PPRC1: variants seen among roughly 807,000 people sequenced by gnomAD.
The protein encoded by PPRC1 is PPARG related coactivator 1, also known as peroxisome proliferator-activated receptor gamma coactivator-related protein 1.
Under a neutral mutation model 132.5 loss-of-function variants are expected in PPRC1, and 23 were observed. The observed-to-expected ratio is 0.17, with a 90% CI of 0.12 to 0.25. PPRC1 has a LOEUF of 0.25. Ranked by LOEUF, PPRC1 falls within the 10% of genes least tolerant of loss-of-function variation. The pLI, the probability that PPRC1 is intolerant of heterozygous loss-of-function variation, is 1.00. For missense variants in PPRC1, 2,006 were observed against 2,089.1 expected (o/e 0.96, Z 0.78); for synonymous variants, 872 against 833.5 (o/e 1.05, Z -0.80).
At chr10:102,126,599 C>G in the PPRC1 span, among the ~76,000 whole-genome samples, 1 of 151,796 alleles carries the variant, frequency 6.6e-6, no homozygotes, top group Non-Finnish European at 1.5e-5. Flanking sequence ...GCTGGGATTA[C>G]AAGCATCCAC....
In PPRC1 at chr10:102,147,434, T is replaced by C. The variant is rs775295522; in HGVS notation, c.4400+42T>C. ...CTGTAGGTCCTCTCCATTTAGGAAG[T>C]TCACGTACTTCTGTGGTTTACTTTG... is the stretch of plus-strand genomic sequence containing the variant. On this transcript the variant is annotated intron_variant, in intron 9 of 13. Coordinates refer to ENST00000278070, the MANE Select transcript of PPRC1 (RefSeq NM_015062.5). 6.5e-6 allele frequency: 10 copies of C among 1,547,780 alleles called. No individual in the cohort carries two copies. The East Asian group carries it at 2.0e-4, about 31-fold the overall frequency.
chr10:102,119,923 G>A, the PPRC1 span, among the ~76,000 whole-genome samples: 5 of 151,868 alleles, frequency 3.3e-5, no homozygotes, highest in East Asian at 9.7e-4. Flanking sequence ...ACACAGTTGG[G>A]GAAAACGCTA....
intron 1 of PPRC1, among the ~76,000 whole-genome samples, chr10:102,137,610 A>G (rs1285884545): frequency 1.3e-5 from 2 of 151,984 alleles, no homozygotes; most frequent in Non-Finnish European, 2.9e-5. Context: ...CTGTGACTCT[A>G]GCTGTTTCTG....
At position 102,139,206 on chromosome 10, in the gene PPRC1, G is replaced by T. The variant is rs2068843334; in HGVS notation, c.698G>T (p.Arg233Leu). Residue 233 changes from arginine to leucine, a missense_variant, in exon 5 of 14, where the codon CGC (arginine) becomes CTC (leucine). This residue lies in a region of PPRC1 where 1,914 missense variants were observed against 1,917.2 expected (regional missense o/e 1.00). Coordinates refer to ENST00000278070, the MANE Select transcript of PPRC1 (RefSeq NM_015062.5). ...TGGAGACCCCCAAGATCAAGACCAC[G>T]CTGGGGCCAATCCCCACCTCCCCAG... ...PSWRPPRSRP[R>L]WGQSPPPQQR... 6.2e-7 allele frequency: 1 copy of T among 1,613,994 alleles called. No homozygotes were observed. The highest frequency in any genetic ancestry group is 1.3e-5 in the African/African-American group (1 of 74,910).
intron 7 of PPRC1, 52 bp from the exon 8 acceptor site, chr10:102,144,968 T>G: frequency 7.0e-7 from 1 of 1,423,640 alleles, no homozygotes. Flanking sequence ...GGCAAATGTA[T>G]AAGATATTGA....
upstream of PPRC1, among the ~76,000 whole-genome samples, chr10:102,132,111 C>T (rs903302588): frequency 6.6e-6 from 1 of 152,098 alleles, no homozygotes; most frequent in Non-Finnish European, 1.5e-5. Context: ...TTTTTCCATT[C>T]ATAGAAAAAA....
At chr10:102,149,852 ATAGC>A in intron 13 of PPRC1, 70 bp from the exon 14 acceptor site, 1 of 1,144,370 alleles carries the variant, frequency 8.7e-7, no homozygotes, top group Non-Finnish European at 1.3e-6. Flanking sequence ...GGGATGGGAG[ATAGC>A]TAGCCATTTG....
At chr10:102,132,678 T>A (rs575947838), upstream of PPRC1, among the ~76,000 whole-genome samples, 1 of 152,348 alleles carries the variant, frequency 6.6e-6, no homozygotes, top group African/African-American at 2.4e-5. Flanking sequence ...TGGCCCCACT[T>A]GGACTAAGGT....
At position 102,149,211 on chromosome 10, in the gene PPRC1, T is replaced by C; in HGVS notation, c.4773T>C (p.Ala1591=). 6.2e-7 allele frequency: 1 copy of C among 1,608,614 alleles called. No individual in the cohort carries two copies. The stretch of plus-strand genomic sequence containing the variant: ...ACGGCTTCGTCACTTATCGCTATGC[T>C]GAGGAGGCATTTGCAGCCATTGAGA... ...DNYGFVTYRY[A]EEAFAAIESG... The change falls in exon 13 of 14, where the codon GCT becomes GCC. Residue 1591 remains alanine (A), a synonymous_variant. Coordinates refer to ENST00000278070, the MANE Select transcript of PPRC1 (RefSeq NM_015062.5).
In PPRC1 at chr10:102,141,935, C is replaced by T. The variant is rs761797370; in HGVS notation, c.3427C>T (p.Leu1143=). 4 of 1,614,154 alleles carry T rather than the reference C, an allele frequency of 2.5e-6. No homozygotes were observed. Among genetic ancestry groups the T allele is most frequent in the East Asian group, 2.2e-5 (1 of 44,892 alleles). ...PAVHPARLRK[L]SFLPTPRTQG... ...TGTCCACCCAGCCCGTCTAAGGAAG[C>T]TGTCCTTCCTGCCTACCCCACGTAC... Residue 1143 remains leucine, a synonymous_variant, in exon 5 of 14, where the codon CTG becomes TTG. Transcript: ENST00000278070.
chr10:102,128,609 CTT>C (rs544861268), upstream of PPRC1, among the ~76,000 whole-genome samples: 1 of 143,104 alleles, frequency 7.0e-6, no homozygotes. Flanking sequence ...CAGCTGCAGT[CTT>C]TTTTTTTTTT....
chr10:102,140,453 A>G lies in PPRC1; in HGVS notation c.1945A>G (p.Ile649Val), dbSNP rs768626624. Reference protein sequence around the residue: ...SAAVDPAVVPISDNLPPVDAV... With the variant: ...SAAVDPAVVPVSDNLPPVDAV... ...AGCAGTTGACCCTGCAGTGGTTCCC[A>G]TCTCAGATAACTTGCCACCAGTTGA... is the stretch of plus-strand genomic sequence containing the variant. The change falls in exon 5 of 14, where the codon ATC becomes GTC. Residue 649 changes from isoleucine (I) to valine (V), a missense_variant. Ile to Val is a conservative substitution (Grantham distance 29). This residue lies in a region of PPRC1 where 1,914 missense variants were observed against 1,917.2 expected (regional missense o/e 1.00). Coordinates refer to ENST00000278070, the MANE Select transcript of PPRC1 (RefSeq NM_015062.5). 6.2e-7 allele frequency: 1 copy of G among 1,614,106 alleles called. No individual in the cohort carries two copies. The highest frequency in any genetic ancestry group is 1.1e-5 in the South Asian group (1 of 91,078).
intron 4 of PPRC1, 39 bp from the exon 5 acceptor site, chr10:102,139,061 A>T: frequency 6.2e-7 from 1 of 1,607,658 alleles, no homozygotes; most frequent in East Asian, 2.2e-5. Flanking sequence ...ATACTTTCCC[A>T]AAGAAAACTC....
chr10:102,145,860 G>C (rs776945818), intron 8 of PPRC1, among the ~76,000 whole-genome samples: 2 of 151,762 alleles, frequency 1.3e-5, no homozygotes, highest in Non-Finnish European at 2.9e-5. Flanking sequence ...GCAAGACTCT[G>C]TCTTTAAAAA....
At chr10:102,135,570 G>A (rs1362737998) in intron 1 of PPRC1, among the ~76,000 whole-genome samples, 2 of 152,006 alleles carry the variant, frequency 1.3e-5, no homozygotes, top group Admixed American at 6.6e-5. Flanking sequence ...GTAGAGACAG[G>A]GTTTCACCAT....
chr10:102,139,760 T>C lies in PPRC1; in HGVS notation c.1252T>C (p.Ser418Pro), dbSNP rs2068872128. The change falls in exon 5 of 14, where the codon TCA becomes CCA. Residue 418 changes from serine (S) to proline (P), a missense_variant. This residue lies in a region of PPRC1 where 1,914 missense variants were observed against 1,917.2 expected (regional missense o/e 1.00). Transcript: ENST00000278070. Reference sequence around the variant, plus strand: ...TGAGAAAGAGGGGTTGTCATTGAACTCAGAGGAGAAGCTGGACTCAGCCTG... The same window carrying C: ...TGAGAAAGAGGGGTTGTCATTGAACCCAGAGGAGAAGCTGGACTCAGCCTG... ...CSEKEGLSLNSEEKLDSACLL... is the reference protein window; with the variant it reads ...CSEKEGLSLNPEEKLDSACLL... The C allele has an allele frequency of 6.2e-7, 1 of 1,614,018 alleles. No individual in the cohort carries two copies. The highest frequency in any genetic ancestry group is 1.3e-5 in the African/African-American group (1 of 74,922).
intron 5 of PPRC1, 143 bp from the exon 6 acceptor site, chr10:102,142,902 C>T (rs1031925469): frequency 4.6e-6 from 3 of 646,034 alleles, no homozygotes; most frequent in Non-Finnish European, 7.8e-6. Flanking sequence ...ATCCTTCATG[C>T]TTTGTGCTGC....
At chr10:102,134,359 C>T (rs1002943285) in intron 1 of PPRC1, among the ~76,000 whole-genome samples, 2 of 152,096 alleles carry the variant, frequency 1.3e-5, no homozygotes, top group African/African-American at 4.8e-5. Flanking sequence ...TGAACATACA[C>T]TGGATGAGGA....
the PPRC1 span, chr10:102,120,447 GCCCTCGCGCTCGCGCT>G: frequency 1.8e-5 from 17 of 962,600 alleles, no homozygotes; most frequent in South Asian, 6.2e-4. Context: ...CCCCCTCTCC[GCCCTCGCGCTCGCGCT>G]CCCTCGCGCC....
Sources: allele counts gnomAD v4.1 joint callset (sites outside exome capture counted in the v4.1 genomes callset), GRCh38; gene constraint gnomAD v4.1.1; regional missense constraint gnomAD v4.1.1; transcripts MANE v1.5; gene names NCBI Gene and HGNC (gene_info 2026-07-23, HGNC 2026-07-21).